Variants in NAALADL2 observed in about 807,000 individuals in gnomAD.
NAALADL2 encodes inactive N-acetylated-alpha-linked acidic dipeptidase-like protein 2.
In NAALADL2, 76 loss-of-function variants were observed where a neutral mutation model predicts 87.2. That is an observed-to-expected ratio of 0.87 (90% confidence interval 0.72 to 1.05). The LOEUF (loss-of-function observed/expected upper bound fraction) is 1.05, where lower values mean the gene tolerates loss of function less well. Among genes scored for constraint, NAALADL2 ranks in the 50% least tolerant of loss-of-function variants. The probability of loss-of-function intolerance (pLI) is 0.00; values close to 1 mark genes in which losing one functional copy is unlikely to be tolerated. For missense variants in NAALADL2, 1,089 were observed against 945.8 expected (o/e 1.15, Z -1.99); for synonymous variants, 354 against 331.0 (o/e 1.07, Z -0.75).
chr3:174,961,962 T>G (rs184734122), intron 1 of NAALADL2, among the ~76,000 whole-genome samples: 1 of 149,918 alleles, frequency 6.7e-6, no homozygotes, highest in Admixed American at 6.7e-5. Flanking sequence ...GCAGGGTTGG[T>G]CTGTGTAATG....
intron 11 of NAALADL2, among the ~76,000 whole-genome samples, chr3:175,651,113 A>G (rs1191481654): frequency 6.6e-6 from 1 of 152,148 alleles, no homozygotes; most frequent in Non-Finnish European, 1.5e-5. Flanking sequence ...TAATCCCTGA[A>G]AAAATTTTTT....
intron 2 of NAALADL2, among the ~76,000 whole-genome samples, chr3:174,736,017 C>A (rs1053882086): frequency 6.6e-6 from 1 of 152,110 alleles, no homozygotes; most frequent in Non-Finnish European, 1.5e-5. Context: ...CAGGCACTGG[C>A]CTGGGTGCTG....
intron 2 of NAALADL2, among the ~76,000 whole-genome samples, chr3:175,182,357 T>C (rs1416252856): frequency 6.6e-6 from 1 of 151,894 alleles, no homozygotes; most frequent in African/African-American, 2.4e-5. Context: ...CTTTTCTCTA[T>C]TAATTGTTTC....
At chr3:174,625,462 C>T (rs1459913674) in intron 2 of NAALADL2, among the ~76,000 whole-genome samples, 2 of 147,846 alleles carry the variant, frequency 1.4e-5, no homozygotes, top group African/African-American at 5.1e-5. Context: ...CCATAAAATA[C>T]TGAAAATTTG....
chr3:174,989,853 G>C (rs993838226), intron 1 of NAALADL2, among the ~76,000 whole-genome samples: 1 of 152,052 alleles, frequency 6.6e-6, no homozygotes, highest in African/African-American at 2.4e-5. Context: ...GGAAAACTAA[G>C]CAAAATGGTA....
intron 2 of NAALADL2, among the ~76,000 whole-genome samples, chr3:174,711,361 G>T (rs1730614403): frequency 6.6e-6 from 1 of 152,080 alleles, no homozygotes; most frequent in Admixed American, 6.5e-5. Flanking sequence ...CCTCCATGCA[G>T]GTAAAAGCGG....
At chr3:174,804,396 A>C (rs534731543) in intron 3 of NAALADL2, among the ~76,000 whole-genome samples, 3 of 152,208 alleles carry the variant, frequency 2.0e-5, no homozygotes, top group East Asian at 3.8e-4. Flanking sequence ...TAAATATACT[A>C]TCATGTCGTC....
At chr3:174,557,739 G>A (rs1474584365) in intron 2 of NAALADL2, among the ~76,000 whole-genome samples, 1 of 151,924 alleles carries the variant, frequency 6.6e-6, no homozygotes, top group African/African-American at 2.4e-5. Context: ...TTTGTCAGGA[G>A]GGCCCCAATA....
At chr3:175,210,011 TTAA>T (rs1285752635) in intron 2 of NAALADL2, among the ~76,000 whole-genome samples, 4 of 151,986 alleles carry the variant, frequency 2.6e-5, no homozygotes, top group African/African-American at 4.8e-5. Flanking sequence ...CATGAATGTA[TTAA>T]TATTATACAT....
intron 3 of NAALADL2, among the ~76,000 whole-genome samples, chr3:174,745,741 A>G (rs1734192519): frequency 6.6e-6 from 1 of 152,120 alleles, no homozygotes; most frequent in South Asian, 2.1e-4. Flanking sequence ...AGCTTATCCA[A>G]TACGATCAAG....
rs12491215 is a variant in NAALADL2, at chr3:175,126,959, T to C, written c.545+29668T>C. The stretch of plus-strand genomic sequence containing the variant: ...TGGTAAATGTTATGAGTATCGACTG[T>C]AGAATATGTTAATATTCAGTTAATA... On this transcript the variant is annotated intron_variant, in intron 2 of 13. Coordinates refer to ENST00000454872, the MANE Select transcript of NAALADL2 (RefSeq NM_207015.3). Among the ~76,000 whole-genome samples, 792 of 152,008 alleles carry C rather than the reference T, an allele frequency of 5.2e-3. 5 individuals are homozygous for C. The highest frequency in any genetic ancestry group is 0.01 in the Middle Eastern group (3 of 294).
At chr3:175,779,146 T>A (rs929543126) in intron 13 of NAALADL2, among the ~76,000 whole-genome samples, 3 of 150,942 alleles carry the variant, frequency 2.0e-5, no homozygotes, top group African/African-American at 7.3e-5. Flanking sequence ...TTGTGTAGAT[T>A]TTTGTCAGCC....
intron 9 of NAALADL2, among the ~76,000 whole-genome samples, chr3:175,482,910 T>C (rs115886658): frequency 0.032 from 4,835 of 151,940 alleles, 278 homozygotes; most frequent in African/African-American, 0.11. Context: ...GAATTAACTT[T>C]TGTTTGTAAG....
chr3:174,474,563 G>T (rs1459811708), intron 1 of NAALADL2, among the ~76,000 whole-genome samples: 1 of 152,100 alleles, frequency 6.6e-6, no homozygotes, highest in Admixed American at 6.6e-5. Flanking sequence ...ATAGTAATTG[G>T]TAAGAAGAGA....
chr3:174,954,757 C>T (rs114031702), intron 1 of NAALADL2, among the ~76,000 whole-genome samples: 82 of 152,136 alleles, frequency 5.4e-4, no homozygotes, highest in Middle Eastern at 3.4e-3. Context: ...GGAATGGGAA[C>T]ATTCGATGAC....
chr3:175,129,325 T>C lies in NAALADL2; in HGVS notation c.545+32034T>C, dbSNP rs868270445. ...GTGTGTGGTGAGAACACTTACAATC[T>C]GCTTTCTTGTAAAATTTCAAGTAAA... On this transcript the variant is annotated intron_variant, in intron 2 of 13. Transcript: ENST00000454872. 1.3e-4 allele frequency among the ~76,000 whole-genome samples: 20 copies of C among 152,286 alleles called. 1 individual carries two copies. In the Middle Eastern group the frequency reaches 0.024, roughly 181 times the overall value.
At chr3:175,610,190 G>A (rs1351830770) in intron 10 of NAALADL2, among the ~76,000 whole-genome samples, 1 of 152,052 alleles carries the variant, frequency 6.6e-6, no homozygotes, top group Non-Finnish European at 1.5e-5. Flanking sequence ...AAACATAGAG[G>A]ATCACCCTAT....
At chr3:174,813,386 A>G (rs975876530) in intron 3 of NAALADL2, among the ~76,000 whole-genome samples, 4 of 152,144 alleles carry the variant, frequency 2.6e-5, no homozygotes, top group Non-Finnish European at 4.4e-5. Context: ...TTAATACTCT[A>G]TTTTTACCCT....
chr3:175,440,591 G>A (rs1719562162), intron 5 of NAALADL2, among the ~76,000 whole-genome samples: 1 of 152,072 alleles, frequency 6.6e-6, no homozygotes, highest in Non-Finnish European at 1.5e-5. Flanking sequence ...TCTTGTAGAG[G>A]TCTTTCACTT....
Sources: gnomAD v4.1 joint callset for allele counts (sites outside exome capture counted in the v4.1 genomes callset) on GRCh38, gnomAD v4.1.1 for gene constraint, MANE v1.5 for transcripts, NCBI Gene and HGNC (gene_info 2026-07-23, HGNC 2026-07-21) for gene names.